Variants in AVEN observed in about 807,000 individuals in gnomAD.
The protein encoded by AVEN is cell death regulator Aven.
AVEN carries 41 observed loss-of-function variants against 38.1 expected under a neutral mutation model. The ratio of observed to expected loss-of-function variants is 1.08; its 90% confidence interval spans 0.84 to 1.40. The LOEUF (loss-of-function observed/expected upper bound fraction) is 1.40. Ranked by LOEUF, AVEN falls within the 40% of genes most tolerant of loss-of-function variation. AVEN has a pLI of 0.00. For synonymous variants in AVEN, 206 were observed against 171.8 expected (o/e 1.20, Z -1.56); for missense variants, 605 against 438.8 (o/e 1.38, Z -3.38).
chr15:34,038,718 G>A (rs956118703), intron 1 of AVEN, 62 bp downstream of exon 1: 1 of 1,122,138 alleles, frequency 8.9e-7, no homozygotes, highest in Non-Finnish European at 1.1e-6. Flanking sequence ...CTTGACTGGC[G>A]GCCTCGGCCC....
chr15:34,062,020 T>C (rs1415131275), intron 5 of AVEN, among the ~76,000 whole-genome samples: 1 of 152,200 alleles, frequency 6.6e-6, no homozygotes, highest in Non-Finnish European at 1.5e-5. Context: ...ACATCCCTGC[T>C]TTCCTCTCTT....
At chr15:33,896,517 G>C (rs1333328941) in intron 2 of AVEN, among the ~76,000 whole-genome samples, 3 of 152,144 alleles carry the variant, frequency 2.0e-5, no homozygotes, top group Admixed American at 2.0e-4. Flanking sequence ...TGGTGTCCAG[G>C]AGAACTGTTT....
rs536010700 is a variant in AVEN at position 34,014,183 on chromosome 15, C to A, written c.268-10974G>T. Among the ~76,000 whole-genome samples the A allele has an allele frequency of 2.5e-4, 38 of 151,950 alleles. No homozygotes were observed. The East Asian group carries it at 6.6e-3, about 26-fold the overall frequency. On this transcript the variant is annotated intron_variant, in intron 1 of 5. Coordinates refer to ENST00000306730, the MANE Select transcript of AVEN (RefSeq NM_020371.3). The stretch of plus-strand genomic sequence containing the variant: ...TTTGAGACCAGCCTGGCCAACATGG[C>A]AAAACCCCATCTCTACTAAAAATAT...
intron 2 of AVEN, among the ~76,000 whole-genome samples, chr15:33,932,564 C>T (rs1439655377): frequency 2.6e-5 from 4 of 152,154 alleles, no homozygotes; most frequent in Admixed American, 2.0e-4. Context: ...CGGTGGCTCA[C>T]GCCTGTAATC....
Position 34,063,446 on chromosome 15 carries a change from G to T in AVEN, n.1127-14C>A. 6.2e-7 allele frequency: 1 copy of T among 1,613,826 alleles called. No homozygotes were observed. Among genetic ancestry groups the T allele is most frequent in the Non-Finnish European group, 8.5e-7 (1 of 1,180,034 alleles). On this transcript the variant is annotated splice_polypyrimidine_tract_variant and intron_variant and non_coding_transcript_variant, in intron 4 of 11. Transcript: ENST00000675287. The surrounding 1 kb of genome is among the most constrained non-coding windows in gnomAD (Gnocchi z 4.1). ...CTGTGACCAAAGCTGAGAAGAGAAA[G>T]CCAGCTCATAGGGCTCTGTTCAGAT...
chr15:33,862,020 A>G (rs745845725), downstream of AVEN, among the ~76,000 whole-genome samples: 3 of 152,212 alleles, frequency 2.0e-5, no homozygotes, highest in Non-Finnish European at 4.4e-5. Flanking sequence ...TCACTGAATA[A>G]CAAGTTACTT....
chr15:34,062,717 G>T, intron 5 of AVEN: 1 of 1,604,102 alleles, frequency 6.2e-7, no homozygotes, highest in Non-Finnish European at 8.5e-7. Flanking sequence ...TTTGCACCAG[G>T]ATGGAAGGGG....
chr15:33,912,386 C>G (rs1892949810), intron 2 of AVEN, among the ~76,000 whole-genome samples: 2 of 152,078 alleles, frequency 1.3e-5, no homozygotes, highest in African/African-American at 2.4e-5. Flanking sequence ...AACATGGAGA[C>G]AAGTTCTAAG....
chr15:34,048,128 G>T (rs1012122922), intron 5 of AVEN, among the ~76,000 whole-genome samples: 1 of 152,112 alleles, frequency 6.6e-6, no homozygotes, highest in African/African-American at 2.4e-5. Flanking sequence ...CACTTGCCTC[G>T]GCTTTCCAAA....
chr15:33,896,455 T>C (rs1892235730), intron 2 of AVEN, among the ~76,000 whole-genome samples: 1 of 152,210 alleles, frequency 6.6e-6, no homozygotes. Flanking sequence ...GCCATGTTCT[T>C]TCTTGCATTC....
chr15:33,854,553 C>A, downstream of AVEN: 1 of 1,113,656 alleles, frequency 9.0e-7, no homozygotes, highest in Non-Finnish European at 1.3e-6. Flanking sequence ...GATTGCTTAT[C>A]AAAGACCAAG....
intron 5 of AVEN, 81 bp downstream of exon 5, chr15:33,867,414 T>C (rs1890651751): frequency 6.7e-7 from 1 of 1,489,684 alleles, no homozygotes; most frequent in Non-Finnish European, 8.9e-7. Context: ...CAGAGGGATG[T>C]GTGCGGATGT....
chr15:34,021,530 C>G (rs139524376), intron 1 of AVEN, among the ~76,000 whole-genome samples: 4 of 152,060 alleles, frequency 2.6e-5, no homozygotes, highest in Non-Finnish European at 5.9e-5. Flanking sequence ...GGTGAGCCAC[C>G]GCGCCTGGCT....
At chr15:33,851,843 G>A in the AVEN span, 2 of 152,156 alleles carry the variant, frequency 1.3e-5, no homozygotes, top group Middle Eastern at 3.4e-3. Flanking sequence ...TAAATGCAGT[G>A]CATAAAAAAA....
rs552385573 is a variant in AVEN, at chr15:33,859,823, C to T, written n.2730-729G>A. 1.4e-4 allele frequency: 177 copies of T among 1,298,342 alleles called. 1 individual carries two copies. The highest frequency in any genetic ancestry group is 5.8e-4 in the African/African-American group (39 of 67,532). 80.4% of individuals were successfully genotyped at this position (1,298,342 alleles called of 1,614,324 possible). ...ATGACTTAATTGGTTTATGAAGAAGCGTGTGAATTCATTTACTTGTTAATT... is the reference window on the plus strand; with the variant it reads ...ATGACTTAATTGGTTTATGAAGAAGTGTGTGAATTCATTTACTTGTTAATT... On this transcript the variant is annotated intron_variant and non_coding_transcript_variant, in intron 11 of 11. Coordinates refer to the AVEN transcript ENST00000675287.
chr15:33,890,516 G>A (rs765758385), intron 2 of AVEN, among the ~76,000 whole-genome samples: 1 of 152,122 alleles, frequency 6.6e-6, no homozygotes, highest in African/African-American at 2.4e-5. Context: ...GAAATAAGGG[G>A]GGAAATCATG....
intron 2 of AVEN, among the ~76,000 whole-genome samples, chr15:33,989,145 C>T (rs568662630): frequency 7.0e-6 from 1 of 141,946 alleles, no homozygotes; most frequent in East Asian, 2.0e-4. Flanking sequence ...AAATCCCACA[C>T]AAACACACAC....
chr15:33,949,087 G>A (rs892439905), intron 2 of AVEN, among the ~76,000 whole-genome samples: 2 of 152,070 alleles, frequency 1.3e-5, no homozygotes, highest in Admixed American at 6.5e-5. Flanking sequence ...GCAATGGCGT[G>A]ATCTTGCCTC....
At chr15:33,892,567 T>C (rs1892031520) in intron 2 of AVEN, among the ~76,000 whole-genome samples, 1 of 152,216 alleles carries the variant, frequency 6.6e-6, no homozygotes, top group African/African-American at 2.4e-5. Flanking sequence ...GAGGGCTTTG[T>C]TCTGTTCCAT....
Sources: gnomAD v4.1 joint callset for allele counts (sites outside exome capture counted in the v4.1 genomes callset) on GRCh38, gnomAD v4.1.1 for gene constraint, Gnocchi (gnomAD v3.1) non-coding constraint, MANE v1.5 for transcripts, NCBI Gene and HGNC (gene_info 2026-07-23, HGNC 2026-07-21) for gene names.